Variants in RORA observed in about 807,000 individuals in gnomAD.
RORA encodes the protein nuclear receptor ROR-alpha.
RORA carries 7 observed loss-of-function variants against 69.5 expected under a neutral mutation model. The observed-to-expected ratio is 0.10, with a 90% CI of 0.06 to 0.19. RORA has a LOEUF of 0.19. RORA is among the 10% of genes least tolerant of loss of function. The pLI is 1.00. For synonymous variants in RORA, 261 were observed against 240.8 expected, an observed-to-expected ratio of 1.08 and a Z score of -0.78; for missense variants, 457 against 663.0, an observed-to-expected ratio of 0.69 and a Z score of 3.41.
chr15:60,772,546 A>G (rs1454814674), intron 1 of RORA, among the ~76,000 whole-genome samples: 4 of 152,156 alleles, frequency 2.6e-5, no homozygotes, highest in African/African-American at 9.7e-5. Flanking sequence ...TTTTCCTCGT[A>G]TGGGTACCCA....
intron 1 of RORA, among the ~76,000 whole-genome samples, chr15:60,960,236 C>A (rs911611995): frequency 2.6e-5 from 4 of 152,174 alleles, no homozygotes; most frequent in African/African-American, 9.7e-5. Flanking sequence ...AAAGAAGAAT[C>A]TTTATCATAA....
At chr15:60,818,364 A>G (rs1455356353) in intron 1 of RORA, among the ~76,000 whole-genome samples, 1 of 152,218 alleles carries the variant, frequency 6.6e-6, no homozygotes, top group South Asian at 2.1e-4. Context: ...ACCCGTTAGA[A>G]TTATTTACAT....
chr15:61,045,585 CA>C (rs1402063805), intron 1 of RORA, among the ~76,000 whole-genome samples: 1 of 152,152 alleles, frequency 6.6e-6, no homozygotes, highest in African/African-American at 2.4e-5. Flanking sequence ...GCTGGGATCA[CA>C]AGGTGCCCAG....
At chr15:60,865,832 T>C (rs1210992139) in intron 1 of RORA, among the ~76,000 whole-genome samples, 4 of 152,218 alleles carry the variant, frequency 2.6e-5, no homozygotes, top group Admixed American at 1.3e-4. Context: ...GGCCTGTCTA[T>C]ATGTCTCAAT....
intron 1 of RORA, among the ~76,000 whole-genome samples, chr15:61,054,896 G>T (rs761019898): frequency 6.6e-6 from 1 of 151,594 alleles, no homozygotes; most frequent in African/African-American, 2.4e-5. Flanking sequence ...GAGTGCAGGG[G>T]TGAGATCACG....
At chr15:60,914,982 C>T (rs1391639783) in intron 1 of RORA, among the ~76,000 whole-genome samples, 15 of 152,190 alleles carry the variant, frequency 9.9e-5, no homozygotes, top group Admixed American at 9.8e-4. Flanking sequence ...ACAAGAAATC[C>T]TACCAGATGG....
At chr15:61,149,566 G>C (rs1456696978) in intron 1 of RORA, among the ~76,000 whole-genome samples, 3 of 152,154 alleles carry the variant, frequency 2.0e-5, no homozygotes, top group Non-Finnish European at 4.4e-5. Flanking sequence ...CAGCAAAGGA[G>C]TGATGTGCCA....
At chr15:60,526,892 T>C (rs2066375127) in intron 3 of RORA, among the ~76,000 whole-genome samples, 1 of 152,232 alleles carries the variant, frequency 6.6e-6, no homozygotes, top group Admixed American at 6.5e-5. Context: ...GCTCCAGAAA[T>C]GGCTTTAACT....
At chr15:60,704,538 T>C (rs2071033551) in intron 1 of RORA, among the ~76,000 whole-genome samples, 1 of 152,252 alleles carries the variant, frequency 6.6e-6, no homozygotes, top group Admixed American at 6.5e-5. Context: ...CTGTTCACAG[T>C]ATTTGGCTAG....
chr15:60,967,051 C>G (rs1893572351), intron 1 of RORA, among the ~76,000 whole-genome samples: 1 of 152,144 alleles, frequency 6.6e-6, no homozygotes, highest in Admixed American at 6.5e-5. Context: ...CCAACTGGGA[C>G]CAACTCCCTA....
At chr15:61,008,311 T>C (rs890493841) in intron 1 of RORA, among the ~76,000 whole-genome samples, 2 of 151,734 alleles carry the variant, frequency 1.3e-5, no homozygotes, top group African/African-American at 4.8e-5. Flanking sequence ...TTTTCCTCCA[T>C]GGGACCCAAG....
chr15:60,516,000 TTTA>T (rs1567051253), intron 3 of RORA, among the ~76,000 whole-genome samples: 201 of 10,238 alleles, frequency 0.02, 10 homozygotes, highest in Non-Finnish European at 0.023. Context: ...TTTATATATA[TTTA>T]TATATATTTA....
intron 1 of RORA, among the ~76,000 whole-genome samples, chr15:60,901,677 A>G (rs1198785765): frequency 6.6e-6 from 1 of 152,244 alleles, no homozygotes; most frequent in Non-Finnish European, 1.5e-5. Flanking sequence ...TAAGTGCTTA[A>G]TAGTGAGATG....
chr15:60,777,523 C>T (rs766060166), intron 1 of RORA, among the ~76,000 whole-genome samples: 1 of 152,182 alleles, frequency 6.6e-6, no homozygotes, highest in Non-Finnish European at 1.5e-5. Context: ...TACCTAGTCC[C>T]ACCTGATATT....
intron 1 of RORA, among the ~76,000 whole-genome samples, chr15:61,190,978 TTTTTAG>T (rs2079793820): frequency 6.6e-6 from 1 of 152,008 alleles, no homozygotes; most frequent in Non-Finnish European, 1.5e-5. Flanking sequence ...CGTAAGCTGA[TTTTTAG>T]CCTTTCAGCT....
At chr15:60,840,670 A>AAGAG (rs1199924829) in intron 1 of RORA, among the ~76,000 whole-genome samples, 1 of 152,226 alleles carries the variant, frequency 6.6e-6, no homozygotes, top group African/African-American at 2.4e-5. Flanking sequence ...GAAGGAGGAG[A>AAGAG]AGAGCGAATG....
chr15:60,679,475 G>C (rs2140750097), intron 1 of RORA, among the ~76,000 whole-genome samples: 1 of 152,286 alleles, frequency 6.6e-6, no homozygotes, highest in Admixed American at 6.5e-5. Flanking sequence ...CTCCATTTCA[G>C]AATTACTACA....
rs1473437360 is a variant in RORA at position 60,751,173 on chromosome 15, C to T, written c.167-72487G>A. 4.6e-5 allele frequency among the ~76,000 whole-genome samples: 7 copies of T among 152,192 alleles called. No individual in the cohort carries two copies. In the East Asian group the frequency reaches 1.3e-3, roughly 29 times the overall value. ...TTCAGCTGAATGTCCTTTCCCTCCC[C>T]ATGGCGGGGCATCTCTCTCTACAAC... On this transcript the variant is annotated intron_variant, in intron 1 of 10. Transcript: ENST00000335670.
chr15:60,580,072 A>C (rs1306615948), intron 2 of RORA, among the ~76,000 whole-genome samples: 1 of 152,098 alleles, frequency 6.6e-6, no homozygotes, highest in East Asian at 1.9e-4. Flanking sequence ...AAAAAAAAGC[A>C]CATTATTTAA....
Sources: gnomAD v4.1 joint callset for allele counts (sites outside exome capture counted in the v4.1 genomes callset) on GRCh38, gnomAD v4.1.1 for gene constraint, MANE v1.5 for transcripts, NCBI Gene and HGNC (gene_info 2026-07-23, HGNC 2026-07-21) for gene names.